Variants in SNX31 observed in about 807,000 individuals in gnomAD.
SNX31 encodes the protein sorting nexin 31.
A neutral mutation model predicts 65.4 loss-of-function variants in SNX31; 58 were observed. The observed-to-expected ratio is 0.89, with a 90% CI of 0.72 to 1.10. The LOEUF is 1.10. Ranked by LOEUF, SNX31 falls within the 50% of genes least tolerant of loss-of-function variation. The pLI is 0.00. For missense variants in SNX31, 523 were observed against 529.7 expected (o/e 0.99, Z 0.12); for synonymous variants, 181 against 190.1 (o/e 0.95, Z 0.39).
At position 100,643,115 on chromosome 8, in the gene SNX31, T is replaced by TG. The variant is rs35943187; in HGVS notation, c.141+6158dup. Among the ~76,000 whole-genome samples, 73 of 151,626 alleles carry TG rather than the reference T, an allele frequency of 4.8e-4. No individual in the cohort carries two copies. In the East Asian group the frequency reaches 0.013, roughly 26 times the overall value. On this transcript the variant is annotated intron_variant, in intron 2 of 13. Transcript: ENST00000311812. ...CTGAGGCAGGAGAATCACTTGAACTTGGGGGGGGTGGAGGTTGCAGTGAGC... is the reference window on the plus strand; with the variant it reads ...CTGAGGCAGGAGAATCACTTGAACTTGGGGGGGGGTGGAGGTTGCAGTGAGC...
chr8:100,582,987 AAAAAGAAAAG>A (rs529642724), intron 12 of SNX31, among the ~76,000 whole-genome samples: 10 of 151,946 alleles, frequency 6.6e-5, no homozygotes, highest in South Asian at 4.1e-4. Flanking sequence ...ATCTAAAAAA[AAAAAGAAAAG>A]AAAAGAAAAG....
At chr8:100,600,477 A>T (rs1815519973) in intron 8 of SNX31, 36 bp from the exon 9 acceptor site, 3 of 1,554,026 alleles carry the variant, frequency 1.9e-6, no homozygotes, top group Non-Finnish European at 2.6e-6. Context: ...TAGCAGTCTT[A>T]GCAGAAATTA....
chr8:100,633,412 TA>T, intron 3 of SNX31, among the ~76,000 whole-genome samples: 1 of 152,310 alleles, frequency 6.6e-6, no homozygotes, highest in East Asian at 1.9e-4. Flanking sequence ...TTTATTTATT[TA>T]TTTTTTTGAG....
intron 1 of SNX31, chr8:100,657,602 G>A (rs1443774096): frequency 2.2e-6 from 1 of 450,964 alleles, no homozygotes; most frequent in Non-Finnish European, 4.5e-6. Context: ...AGTCCAGACT[G>A]TGCTTGGATG....
Position 100,609,146 on chromosome 8 carries a change from T to C in SNX31, c.612-583A>G, listed in dbSNP as rs191616903. 5.6e-4 allele frequency among the ~76,000 whole-genome samples: 85 copies of C among 152,266 alleles called. 1 individual carries two copies. Among genetic ancestry groups the C allele is most frequent in the Admixed American group, 5.2e-3 (79 of 15,302 alleles). The stretch of plus-strand genomic sequence containing the variant: ...GCCCTTCCGGGGACCACCCCCACTT[T>C]CATTTCCAGTTCCATCTCTCACCAA... On this transcript the variant is annotated intron_variant, in intron 7 of 13. Coordinates refer to ENST00000311812, the MANE Select transcript of SNX31 (RefSeq NM_152628.4). The surrounding 1 kb of genome is among the most constrained non-coding windows in gnomAD (Gnocchi z 4.9).
intron 4 of SNX31, among the ~76,000 whole-genome samples, chr8:100,627,290 T>G (rs546140795): frequency 6.6e-6 from 1 of 152,252 alleles, no homozygotes; most frequent in African/African-American, 2.4e-5. Flanking sequence ...AGGTGGAAGT[T>G]GTGGTGAGCC....
At position 100,634,714 on chromosome 8, in the gene SNX31, A is replaced by G. The variant is rs531208272; in HGVS notation, c.256+1183T>C. Among the ~76,000 whole-genome samples, 5 of 150,530 alleles carry G rather than the reference A, an allele frequency of 3.3e-5. No individual in the cohort carries two copies. In the East Asian group the frequency reaches 9.8e-4, roughly 29 times the overall value. ...CAGTGAGCCAAGGTCACACCACTGCACTCCAGCCTGGGCGACAGAGCGAGA... is the reference window on the plus strand; with the variant it reads ...CAGTGAGCCAAGGTCACACCACTGCGCTCCAGCCTGGGCGACAGAGCGAGA... On this transcript the variant is annotated intron_variant, in intron 3 of 13. Coordinates refer to ENST00000311812, the MANE Select transcript of SNX31 (RefSeq NM_152628.4).
rs546723801 is a variant in SNX31, at chr8:100,660,620, T to C, written c.-58+2522A>G. 6.6e-6 allele frequency among the ~76,000 whole-genome samples: 1 copy of C among 152,192 alleles called. No individual in the cohort carries two copies. Among genetic ancestry groups the C allele is most frequent in the Non-Finnish European group, 1.5e-5 (1 of 68,038 alleles). On this transcript the variant is annotated intron_variant, in intron 1 of 5. Transcript: ENST00000520352. This position sits in a 1 kb window ranked among gnomAD's most constrained non-coding sequence, Gnocchi z 4.1. ...GAAGAAGGTTCTGTAGGGGTCAAAC[T>C]TGATGCCCAGAAAGTTCCTATATTC...
intron 2 of SNX31, among the ~76,000 whole-genome samples, chr8:100,647,727 A>G (rs573229814): frequency 1.3e-5 from 2 of 152,326 alleles, no homozygotes; most frequent in East Asian, 3.9e-4. Context: ...GATCAGTCAC[A>G]GGCTCTCTTG....
At chr8:100,647,509 G>T (rs1819718327) in intron 2 of SNX31, among the ~76,000 whole-genome samples, 1 of 152,128 alleles carries the variant, frequency 6.6e-6, no homozygotes, top group South Asian at 2.1e-4. Flanking sequence ...ATTGGGTAAG[G>T]AGGGCCAGAT....
At chr8:100,590,738 C>T (rs528367514) in intron 10 of SNX31, among the ~76,000 whole-genome samples, 1 of 152,134 alleles carries the variant, frequency 6.6e-6, no homozygotes, top group South Asian at 2.1e-4. Flanking sequence ...GCTGAGATTG[C>T]GCCACTGCAC....
At chr8:100,608,471 T>C (rs1210139455) in intron 8 of SNX31, 23 bp downstream of exon 8, 1 of 1,612,664 alleles carries the variant, frequency 6.2e-7, no homozygotes, top group Non-Finnish European at 8.5e-7. Context: ...TACGGTGCTG[T>C]CTGAGCTCTT....
chr8:100,649,648 C>T lies in SNX31; in HGVS notation c.-134G>A, dbSNP rs1055822987. The T allele has an allele frequency of 5.9e-6, 5 of 846,812 alleles. No individual in the cohort carries two copies. The highest frequency in any genetic ancestry group is 3.3e-5 in the Admixed American group (1 of 30,700). The allele number at this position is 846,812 out of a possible 1,614,324, so 52.5% of individuals were successfully genotyped here. On this transcript the variant is annotated 5_prime_UTR_variant, in exon 1 of 14. Transcript: ENST00000311812. ...CAGAGCGAACCCCGGCGCCCGCTCT[C>T]GCCGGCCGGGGACATCTACAGGTGG...
At chr8:100,656,976 G>A (rs1244535168) in intron 1 of SNX31, among the ~76,000 whole-genome samples, 1 of 152,202 alleles carries the variant, frequency 6.6e-6, no homozygotes, top group African/African-American at 2.4e-5. Context: ...GAATTCTGAA[G>A]AAATACAGGT....
At chr8:100,593,610 C>A (rs754949989) in intron 10 of SNX31, among the ~76,000 whole-genome samples, 3 of 152,100 alleles carry the variant, frequency 2.0e-5, no homozygotes, top group Non-Finnish European at 4.4e-5. Flanking sequence ...CGCCCCACCA[C>A]GCCCAGCTAA....
intron 3 of SNX31, among the ~76,000 whole-genome samples, chr8:100,634,544 C>T (rs1279072823): frequency 6.6e-6 from 1 of 151,728 alleles, no homozygotes. Context: ...ATCAGGAGCT[C>T]GAGACCAGCC....
intron 2 of SNX31, among the ~76,000 whole-genome samples, chr8:100,641,565 A>AAAAAAAAAAAAAAATAT: frequency 3.1e-5 from 1 of 32,108 alleles, no homozygotes; most frequent in African/African-American, 1.4e-4. Flanking sequence ...AAAAAAAAAA[A>AAAAAAAAAAAAAAATAT]ATATATATAT....
chr8:100,587,288 G>A lies in SNX31; in HGVS notation c.1092+1578C>T, dbSNP rs149306042. ...TGCTTTCCAGATAAGAGAGATATGGGTTGAGCATCCCTAATCCAAAAGTCC... is the reference window on the plus strand; with the variant it reads ...TGCTTTCCAGATAAGAGAGATATGGATTGAGCATCCCTAATCCAAAAGTCC... On this transcript the variant is annotated intron_variant, in intron 11 of 13. Transcript: ENST00000311812. Among the ~76,000 whole-genome samples, 4 of 152,300 alleles carry A rather than the reference G, an allele frequency of 2.6e-5. No homozygotes were observed. The East Asian group carries it at 7.7e-4, about 29-fold the overall frequency.
chr8:100,618,187 G>T, intron 4 of SNX31: 1 of 1,434,848 alleles, frequency 7.0e-7, no homozygotes, highest in Non-Finnish European at 9.1e-7. Context: ...AGATTGGAAG[G>T]GTTGTTTTGT....
Sources: gnomAD v4.1 joint callset for allele counts (sites outside exome capture counted in the v4.1 genomes callset) on GRCh38, gnomAD v4.1.1 for gene constraint, Gnocchi (gnomAD v3.1) non-coding constraint, MANE v1.5 for transcripts, NCBI Gene and HGNC (gene_info 2026-07-23, HGNC 2026-07-21) for gene names.